Variants in OR1B1 observed in about 807,000 individuals in gnomAD.
The protein encoded by OR1B1 is olfactory receptor 1B1.
For missense variants in OR1B1, 414 were observed against 402.1 expected (o/e 1.03, Z -0.25); for synonymous variants, 168 against 156.2 (o/e 1.08, Z -0.57).
At chr9:122,654,072 T>C in the OR1B1 span, among the ~76,000 whole-genome samples, 3 of 152,170 alleles carry the variant, frequency 2.0e-5, no homozygotes, top group Non-Finnish European at 4.4e-5. Context: ...ATTTTTTAAT[T>C]GATCACCAAC....
the OR1B1 span, among the ~76,000 whole-genome samples, chr9:122,653,192 A>C: frequency 6.6e-6 from 1 of 152,240 alleles, no homozygotes. Context: ...AATATGTATT[A>C]ATGTAATATG....
chr9:122,636,472 C>T, the OR1B1 span, among the ~76,000 whole-genome samples: 4 of 152,152 alleles, frequency 2.6e-5, no homozygotes, highest in African/African-American at 4.8e-5. Context: ...AAAAATTAGC[C>T]GAGCCTGGTG....
chr9:122,635,576 T>C, the OR1B1 span, among the ~76,000 whole-genome samples: 1 of 152,216 alleles, frequency 6.6e-6, no homozygotes, highest in East Asian at 1.9e-4. Flanking sequence ...TATGTTAATT[T>C]GCTTGACTGT....
the OR1B1 span, among the ~76,000 whole-genome samples, chr9:122,646,767 C>A: frequency 1.3e-5 from 2 of 152,044 alleles, no homozygotes; most frequent in Non-Finnish European, 2.9e-5. Context: ...GAATTCAACA[C>A]CCTATTTTCA....
the OR1B1 span, among the ~76,000 whole-genome samples, chr9:122,650,574 A>G: frequency 4.6e-5 from 7 of 152,014 alleles, no homozygotes; most frequent in African/African-American, 1.4e-4. Context: ...TAAGAACTAT[A>G]TTGGCCTCTG....
chr9:122,628,936 A>G, exon 1 of OR1B1: 3 of 1,614,158 alleles, frequency 1.9e-6, no homozygotes, highest in Non-Finnish European at 2.5e-6. Flanking sequence ...CCAGCTCATT[A>G]GAATGTATGT....
the OR1B1 span, among the ~76,000 whole-genome samples, chr9:122,655,596 A>AC: frequency 1.4e-5 from 2 of 148,140 alleles, no homozygotes; most frequent in Admixed American, 6.9e-5. Flanking sequence ...GCAACAGAAA[A>AC]CCAAACACCA....
chr9:122,642,461 G>T, the OR1B1 span, among the ~76,000 whole-genome samples: 1 of 152,094 alleles, frequency 6.6e-6, no homozygotes, highest in Non-Finnish European at 1.5e-5. Context: ...AGGAAATCAG[G>T]GCTGGTGAGG....
chr9:122,651,531 C>CT, the OR1B1 span, among the ~76,000 whole-genome samples: 3 of 151,992 alleles, frequency 2.0e-5, no homozygotes, highest in South Asian at 2.1e-4. Flanking sequence ...ATGACATCCA[C>CT]TTTTTTTTAG....
At chr9:122,634,180 T>C (rs1400671543), upstream of OR1B1, among the ~76,000 whole-genome samples, 1 of 151,178 alleles carries the variant, frequency 6.6e-6, no homozygotes, top group Non-Finnish European at 1.5e-5. Context: ...TTACTGAAAG[T>C]ACAAAATTAG....
the OR1B1 span, among the ~76,000 whole-genome samples, chr9:122,643,291 T>C: frequency 1.3e-5 from 2 of 152,282 alleles, no homozygotes; most frequent in East Asian, 3.9e-4. Flanking sequence ...AGAGAATATG[T>C]GCACTGTGGG....
chr9:122,629,297 A>G, exon 1 of OR1B1: 1 of 1,614,138 alleles, frequency 6.2e-7, no homozygotes, highest in African/African-American at 1.3e-5. Context: ...CAACTGGGGC[A>G]GTGTAACTGT....
chr9:122,628,475 A>T, downstream of OR1B1: 1 of 722,658 alleles, frequency 1.4e-6, no homozygotes, highest in Non-Finnish European at 2.4e-6. Flanking sequence ...GGAGTTCCTT[A>T]AGTTATCTAG....
chr9:122,628,386 G>T (rs755847483), downstream of OR1B1, among the ~76,000 whole-genome samples: 7 of 152,122 alleles, frequency 4.6e-5, no homozygotes, highest in Non-Finnish European at 7.4e-5. Flanking sequence ...TGCTGATAAG[G>T]GAGCCCTGAT....
At chr9:122,634,853 T>C in the OR1B1 span, among the ~76,000 whole-genome samples, 1 of 151,960 alleles carries the variant, frequency 6.6e-6, no homozygotes, top group Non-Finnish European at 1.5e-5. Context: ...AGGATGGTTA[T>C]TATGCGGAAT....
In OR1B1 at chr9:122,629,366, A is replaced by G. The variant is rs753591694; in HGVS notation, c.170T>C (p.Leu57Pro). Residue 57 changes from leucine (L) to proline (P), a missense_variant, in exon 1 of 1, where the codon CTG becomes CCG. Coordinates refer to ENST00000623530, the Ensembl canonical transcript of OR1B1. ...AAGCAGATAATACATGGGTGAGTGCAGTCTGGAGTCCCAGGAGATGAGCAG... is the reference window on the plus strand; with the variant it reads ...AAGCAGATAATACATGGGTGAGTGCGGTCTGGAGTCCCAGGAGATGAGCAG... 3 of 1,614,150 alleles carry G rather than the reference A, an allele frequency of 1.9e-6. No individual in the cohort carries two copies. In the South Asian group the frequency reaches 3.3e-5, roughly 18 times the overall value.
Position 122,629,528 on chromosome 9 carries a change from C to G in OR1B1, c.8G>C (p.Ser3Thr), listed in dbSNP as rs148803298. 3 of 1,597,608 alleles carry G rather than the reference C, an allele frequency of 1.9e-6. No homozygotes were observed. The African/African-American group carries it at 4.0e-5, about 21-fold the overall frequency. The stretch of plus-strand genomic sequence containing the variant: ...AGAGTGTGAAGCATTAGGGGCAAAG[C>G]TCATCATGAGTGACAGTCAGCCTGC... The change falls in exon 1 of 1, where the codon AGC (serine) becomes ACC (threonine). Residue 3 changes from serine (S) to threonine (T), a missense_variant. Coordinates refer to ENST00000623530, the Ensembl canonical transcript of OR1B1.
At chr9:122,638,677 TCAGGCC>T in the OR1B1 span, among the ~76,000 whole-genome samples, 3 of 152,172 alleles carry the variant, frequency 2.0e-5, no homozygotes, top group African/African-American at 7.2e-5. Flanking sequence ...ATTATAATCA[TCAGGCC>T]TGTGCATTGA....
chr9:122,651,044 T>C, the OR1B1 span, among the ~76,000 whole-genome samples: 1 of 152,012 alleles, frequency 6.6e-6, no homozygotes, highest in Non-Finnish European at 1.5e-5. Flanking sequence ...AAATGGTTTG[T>C]CCCAAAGTAA....
Sources: allele counts gnomAD v4.1 joint callset (sites outside exome capture counted in the v4.1 genomes callset), GRCh38; gene constraint gnomAD v4.1.1; transcripts MANE v1.5; gene names NCBI Gene and HGNC (gene_info 2026-07-23, HGNC 2026-07-21).